The following PRKCH variants were observed in gnomAD, a reference collection of about 807,000 sequenced individuals.
PRKCH encodes protein kinase C eta.
In PRKCH, 28 loss-of-function variants were observed where a neutral mutation model predicts 82.5. The ratio of observed to expected loss-of-function variants is 0.34; its 90% CI spans 0.25 to 0.47. The LOEUF is 0.47. Ranked by LOEUF, PRKCH falls within the 20% of genes least tolerant of loss-of-function variation. The pLI, the probability that PRKCH is intolerant of heterozygous loss-of-function variation, is 1.00. For synonymous variants in PRKCH, 322 were observed against 327.4 expected (o/e 0.98, Z 0.18); for missense variants, 705 against 881.8 (o/e 0.80, Z 2.54).
At position 61,267,577 on chromosome 14, in the gene PRKCH, G is replaced by A. The variant is rs117641795; in HGVS notation, c.-19+79909G>A. On this transcript the variant is annotated intron_variant, in intron 1 of 3. Coordinates refer to the PRKCH transcript ENST00000555185. ...AAGGCTGAGGAGCTGATTCATGTTG[G>A]CATCCGGCACACTGTTTTATTCTTT... is the stretch of plus-strand genomic sequence containing the variant. Among the ~76,000 whole-genome samples, 974 of 152,296 alleles carry A rather than the reference G, an allele frequency of 6.4e-3. 5 individuals carry two copies. Among genetic ancestry groups the A allele is most frequent in the Middle Eastern group, 0.037 (11 of 294 alleles).
chr14:61,336,967 G>A (rs1488420926), intron 1 of PRKCH, among the ~76,000 whole-genome samples: 1 of 151,448 alleles, frequency 6.6e-6, no homozygotes, highest in African/African-American at 2.4e-5. Flanking sequence ...TACTTGGGAG[G>A]CTGAGGCATG....
intron 10 of PRKCH, among the ~76,000 whole-genome samples, chr14:61,502,038 A>ATCTTTTCTTT (rs764639878): frequency 2.3e-5 from 3 of 132,742 alleles, no homozygotes; most frequent in Admixed American, 7.9e-5. Flanking sequence ...TAGGTAGGCA[A>ATCTTTTCTTT]TCTTTTCTTT....
In PRKCH at chr14:61,529,005, T is replaced by TGTGTGTGTGTGTGTGTGTGCGC. The variant is rs1491304992; in HGVS notation, c.1434-69_1434-68insTGTGTGTGTGTGTGTGTGCGCG. The TGTGTGTGTGTGTGTGTGTGCGC allele has an allele frequency of 2.0e-4, 299 of 1,460,522 alleles. 1 individual carries two copies. The highest frequency in any genetic ancestry group is 4.7e-4 in the Admixed American group (26 of 54,768). 90.5% of individuals were successfully genotyped at this position (1,460,522 alleles called of 1,614,324 possible). A position where few individuals can be genotyped will look rare whatever the true frequency, so the allele number is the denominator to read the frequency against. ...GTGTGTGTGTGTGTGTGTGTGTGTG[T>TGTGTGTGTGTGTGTGTGTGCGC]GCCCATTCTGAGAGGTGGATGGTTT... On this transcript the variant is annotated intron_variant, in intron 10 of 13. Transcript: ENST00000332981.
At chr14:61,320,985 G>A (rs1269299334), upstream of PRKCH, among the ~76,000 whole-genome samples, 1 of 152,156 alleles carries the variant, frequency 6.6e-6, no homozygotes, top group Non-Finnish European at 1.5e-5. Flanking sequence ...TGTGCAACAA[G>A]ACACACCTTC....
chr14:61,240,938 A>T (rs1594869169), intron 1 of PRKCH, among the ~76,000 whole-genome samples: 1 of 104,156 alleles, frequency 9.6e-6, no homozygotes, highest in Non-Finnish European at 1.9e-5. Flanking sequence ...ACACCAAGCA[A>T]GCGTCAATTC....
At position 61,321,870 on chromosome 14, in the gene PRKCH, T is replaced by G; in HGVS notation, c.-232T>G. ...GGACGGTCGGGCTTCCCCGGCCCGC[T>G]GAGGGCTCGGCGGCGGGCTCCCCTC... On this transcript the variant is annotated 5_prime_UTR_variant, in exon 1 of 14. Transcript: ENST00000332981. This position sits in a 1 kb window ranked among gnomAD's most constrained non-coding sequence, Gnocchi z 4.1. The G allele has an allele frequency of 2.2e-6, 1 of 448,024 alleles. No homozygotes were observed. The highest frequency in any genetic ancestry group is 4.0e-6 in the Non-Finnish European group (1 of 248,616). 27.8% of individuals were successfully genotyped at this position (448,024 alleles called of 1,614,324 possible).
At position 61,478,615 on chromosome 14, in the gene PRKCH, A is replaced by C. The variant is rs191062047; in HGVS notation, c.1279-6887A>C. 3.0e-3 allele frequency among the ~76,000 whole-genome samples: 457 copies of C among 152,298 alleles called. 1 individual carries two copies. Among genetic ancestry groups the C allele is most frequent in the African/African-American group, 0.011 (440 of 41,572 alleles). On this transcript the variant is annotated intron_variant, in intron 9 of 13. Transcript: ENST00000332981. The stretch of plus-strand genomic sequence containing the variant: ...GCCATGCATGGTTGCTCACGCCTGT[A>C]ATCCCAGCACTTTGGGAGGCCGAGG...
intron 9 of PRKCH, among the ~76,000 whole-genome samples, chr14:61,479,984 G>GC (rs1303060544): frequency 6.6e-6 from 1 of 152,182 alleles, no homozygotes; most frequent in African/African-American, 2.4e-5. Flanking sequence ...AAAGAGAGGA[G>GC]CAGGGACAAA....
chr14:61,193,321 T>C (rs2044419529), intron 1 of PRKCH, among the ~76,000 whole-genome samples: 1 of 152,238 alleles, frequency 6.6e-6, no homozygotes, highest in South Asian at 2.1e-4. Flanking sequence ...CAGATTTACA[T>C]TAAAAATATT....
At chr14:61,471,870 A>G (rs1383078109) in intron 9 of PRKCH, among the ~76,000 whole-genome samples, 1 of 152,172 alleles carries the variant, frequency 6.6e-6, no homozygotes, top group Non-Finnish European at 1.5e-5. Context: ...CATGACTGTC[A>G]GGTGATTGTC....
At chr14:61,228,427 T>C (rs559347336) in intron 1 of PRKCH, among the ~76,000 whole-genome samples, 79 of 152,328 alleles carry the variant, frequency 5.2e-4, no homozygotes, top group African/African-American at 1.6e-3. Context: ...AGTTCCCTTC[T>C]GCTGTGTCAA....
intron 1 of PRKCH, among the ~76,000 whole-genome samples, chr14:61,208,654 G>C (rs2044546013): frequency 6.6e-6 from 1 of 152,006 alleles, no homozygotes; most frequent in Non-Finnish European, 1.5e-5. Context: ...AGCGAACCAG[G>C]CATTTTCTAT....
intron 1 of PRKCH, among the ~76,000 whole-genome samples, chr14:61,324,446 G>A (rs968735929): frequency 7.2e-5 from 11 of 152,230 alleles, no homozygotes; most frequent in African/African-American, 2.6e-4. Flanking sequence ...TCAGAAGGCA[G>A]ATTTTTTTTT....
chr14:61,188,418 G>C (rs1214107144), intron 1 of PRKCH, among the ~76,000 whole-genome samples: 1 of 150,644 alleles, frequency 6.6e-6, no homozygotes, highest in African/African-American at 2.5e-5. Context: ...TTCTGGCTCC[G>C]GCTCTGGCTC....
At chr14:61,261,130 C>T (rs1433489658) in intron 1 of PRKCH, among the ~76,000 whole-genome samples, 1 of 152,136 alleles carries the variant, frequency 6.6e-6, no homozygotes, top group Non-Finnish European at 1.5e-5. Flanking sequence ...ACCAACAAAC[C>T]CAGGGATGAC....
chr14:61,450,900 A>G lies in PRKCH; in HGVS notation c.761A>G (p.Lys254Arg). The change falls in exon 6 of 14, where the codon AAA becomes AGA. Residue 254 changes from lysine (K) to arginine (R), a missense_variant. By Grantham distance (26) the Lys-to-Arg change is conservative (BLOSUM62 2). Transcript: ENST00000332981. ...CACAAGTTCAGCATCCACAACTACAAAGTGCCAACATTCTGCGATCACTGT... is the reference window on the plus strand; with the variant it reads ...CACAAGTTCAGCATCCACAACTACAGAGTGCCAACATTCTGCGATCACTGT... ...IPHKFSIHNY[K>R]VPTFCDHCGS... 6.2e-7 allele frequency: 1 copy of G among 1,613,994 alleles called. No homozygotes were observed. The highest frequency in any genetic ancestry group is 1.1e-5 in the South Asian group (1 of 91,032).
At chr14:61,443,078 C>G (rs1191685286) in intron 2 of PRKCH, 33 bp from the exon 3 acceptor site, 2 of 1,597,510 alleles carry the variant, frequency 1.3e-6, no homozygotes, top group Non-Finnish European at 1.7e-6. Context: ...TTCCTTACAT[C>G]TTATTCTTTT....
intron 1 of PRKCH, chr14:61,281,197 C>T: frequency 8.6e-7 from 1 of 1,158,986 alleles, no homozygotes; most frequent in Non-Finnish European, 1.1e-6. Flanking sequence ...GGGGCCCCGC[C>T]GCGGGGCGCC....
intron 1 of PRKCH, among the ~76,000 whole-genome samples, chr14:61,251,290 C>T (rs2044943925): frequency 6.6e-6 from 1 of 152,136 alleles, no homozygotes; most frequent in African/African-American, 2.4e-5. Context: ...CTATCAAGTA[C>T]TAGGTCTTAT....
Sources: allele counts gnomAD v4.1 joint callset (sites outside exome capture counted in the v4.1 genomes callset), GRCh38; gene constraint gnomAD v4.1.1; non-coding constraint Gnocchi (gnomAD v3.1); transcripts MANE v1.5; gene names NCBI Gene and HGNC (gene_info 2026-07-23, HGNC 2026-07-21).